The following LRRC40 variants were observed in gnomAD, a reference collection of about 807,000 sequenced individuals.
LRRC40 encodes leucine-rich repeat-containing protein 40.
LRRC40 carries 76 observed loss-of-function variants against 72.8 expected under a neutral mutation model. The ratio of observed to expected loss-of-function variants is 1.04; its 90% CI spans 0.87 to 1.26. LRRC40 has a LOEUF of 1.26. LRRC40 is among the 50% of genes most tolerant of loss of function. The pLI is 0.00. For synonymous variants in LRRC40, 243 were observed against 254.2 expected (o/e 0.96, Z 0.42); for missense variants, 684 against 698.9 (o/e 0.98, Z 0.24).
At chr1:70,155,638 A>G in intron 11 of LRRC40, 51 bp downstream of exon 11, 1 of 845,102 alleles carries the variant, frequency 1.2e-6, no homozygotes, top group Non-Finnish European at 1.7e-6. Context: ...ACCAAGATGG[A>G]AAAACAACAG....
chr1:70,195,414 G>A (rs191210371), intron 1 of LRRC40, among the ~76,000 whole-genome samples: 1 of 148,108 alleles, frequency 6.8e-6, no homozygotes, highest in African/African-American at 2.5e-5. Context: ...CTTAACAGAA[G>A]ATATATAAAT....
chr1:70,191,345 C>G (rs1668495988), intron 1 of LRRC40, among the ~76,000 whole-genome samples: 1 of 151,994 alleles, frequency 6.6e-6, no homozygotes, highest in Non-Finnish European at 1.5e-5. Flanking sequence ...ACCTAAAAAG[C>G]AGTGTAATAA....
intron 1 of LRRC40, among the ~76,000 whole-genome samples, chr1:70,195,761 C>A (rs1377398093): frequency 6.6e-6 from 1 of 152,128 alleles, no homozygotes; most frequent in Non-Finnish European, 1.5e-5. Flanking sequence ...GCCTCCCGAG[C>A]AGCAGCTGGA....
At chr1:70,183,835 C>T (rs1451340472) in intron 4 of LRRC40, among the ~76,000 whole-genome samples, 1 of 152,104 alleles carries the variant, frequency 6.6e-6, no homozygotes, top group Non-Finnish European at 1.5e-5. Context: ...ATTACAGGCA[C>T]GAACTACCAC....
intron 1 of LRRC40, among the ~76,000 whole-genome samples, chr1:70,199,149 T>TCTCAATCAA (rs1167227907): frequency 6.6e-6 from 1 of 151,588 alleles, no homozygotes; most frequent in Admixed American, 6.6e-5. Context: ...TGAGATCCTG[T>TCTCAATCAA]CTCAATCAAT....
intron 11 of LRRC40, among the ~76,000 whole-genome samples, chr1:70,153,081 C>T (rs1407828233): frequency 6.6e-6 from 1 of 152,120 alleles, no homozygotes. Context: ...TGAAAGTTGG[C>T]TGGGCACGGT....
Position 70,175,974 on chromosome 1 carries a change from G to T in LRRC40, c.813C>A (p.His271Gln). The change falls in exon 7 of 15, where the codon CAC becomes CAA. Residue 271 changes from histidine to glutamine, a missense_variant. By Grantham distance (24) the His-to-Gln change is conservative. Coordinates refer to ENST00000370952, the MANE Select transcript of LRRC40 (RefSeq NM_017768.5). ...FPSCSLLKEL[H>Q]VGENQIEMLE... The stretch of plus-strand genomic sequence containing the variant: ...ACATTTCAATCTGGTTTTCACCTAC[G>T]TGCAATTCCTACAAAATCAAAGATG... 1 of 1,550,782 alleles carries T rather than the reference G, an allele frequency of 6.4e-7. No individual in the cohort carries two copies. Among genetic ancestry groups the T allele is most frequent in the East Asian group, 2.4e-5 (1 of 41,242 alleles).
chr1:70,190,694 A>AAAAAAAAAAC (rs1668479309), intron 1 of LRRC40, among the ~76,000 whole-genome samples: 1 of 148,692 alleles, frequency 6.7e-6, no homozygotes, highest in Admixed American at 6.7e-5. Flanking sequence ...AAAAAAAAAA[A>AAAAAAAAAAC]AACTTAAAAA....
chr1:70,184,447 G>C (rs977165068), intron 4 of LRRC40, among the ~76,000 whole-genome samples: 10 of 152,112 alleles, frequency 6.6e-5, no homozygotes, highest in Non-Finnish European at 1.2e-4. Flanking sequence ...ATATAAGGAA[G>C]GAAATGGAAA....
rs1358140915 is a variant in LRRC40, at chr1:70,167,243, AAAAAG to A, written c.1111+6217_1111+6221del. ...GTTAAAAAGTGTTAAAAAAAAAAAAAAAAAGAAAAAAGAAAAAGGTCAAGGAGAAT... is the reference window on the plus strand; with the variant it reads ...GTTAAAAAGTGTTAAAAAAAAAAAAAAAAAAAGAAAAAGGTCAAGGAGAAT... On this transcript the variant is annotated intron_variant, in intron 9 of 14. Transcript: ENST00000370952. Among the ~76,000 whole-genome samples the A allele has an allele frequency of 4.6e-5, 7 of 151,690 alleles. No individual in the cohort carries two copies. In the South Asian group the frequency reaches 6.2e-4, roughly 14 times the overall value.
intron 9 of LRRC40, among the ~76,000 whole-genome samples, chr1:70,169,546 C>G (rs917645179): frequency 2.6e-5 from 4 of 151,954 alleles, no homozygotes; most frequent in African/African-American, 9.7e-5. Context: ...GACTAATATC[C>G]AGCTAGTGTG....
chr1:70,187,518 C>T (rs560645943), intron 2 of LRRC40, among the ~76,000 whole-genome samples, 180 bp from the exon 3 acceptor site: 15 of 152,114 alleles, frequency 9.9e-5, no homozygotes, highest in Admixed American at 5.2e-4. Context: ...GATGACCAAA[C>T]GGCTGTTCAG....
At chr1:70,175,747 T>C in intron 7 of LRRC40, 63 bp downstream of exon 7, 5 of 1,220,474 alleles carry the variant, frequency 4.1e-6, no homozygotes, top group Non-Finnish European at 5.6e-6. Context: ...TAACAAATAT[T>C]TCAAATTATG....
chr1:70,181,225 G>C lies in LRRC40; in HGVS notation c.538-16C>G. ...TTGAAAGATCCTTTAAAAAGAGAAA[G>C]ACAAAATAAATGAATAAACAAGTAA... On this transcript the variant is annotated splice_polypyrimidine_tract_variant and intron_variant, in intron 4 of 14. Coordinates refer to ENST00000370952, the MANE Select transcript of LRRC40 (RefSeq NM_017768.5). 1 of 1,460,384 alleles carries C rather than the reference G, an allele frequency of 6.8e-7. No individual in the cohort carries two copies. The highest frequency in any genetic ancestry group is 9.2e-7 in the Non-Finnish European group (1 of 1,090,816). 90.5% of individuals were successfully genotyped at this position (1,460,384 alleles called of 1,614,324 possible). A position where few individuals can be genotyped will look rare whatever the true frequency, so the allele number is the denominator to read the frequency against.
chr1:70,180,948 G>T (rs1571474502), intron 5 of LRRC40, 138 bp downstream of exon 5: 2 of 550,946 alleles, frequency 3.6e-6, no homozygotes, highest in Non-Finnish European at 3.0e-6. Context: ...GAGAAAATCT[G>T]ACTAGTTGCT....
chr1:70,163,919 T>G (rs1667820902), intron 9 of LRRC40, among the ~76,000 whole-genome samples: 1 of 152,206 alleles, frequency 6.6e-6, no homozygotes, highest in South Asian at 2.1e-4. Context: ...TACCACAAAC[T>G]GGGTAACTTA....
intron 9 of LRRC40, among the ~76,000 whole-genome samples, chr1:70,169,167 T>C (rs1376023286): frequency 6.6e-6 from 1 of 152,120 alleles, no homozygotes; most frequent in Non-Finnish European, 1.5e-5. Flanking sequence ...CCCAAATACC[T>C]CGCTCTGTAC....
Position 70,161,012 on chromosome 1 carries a change from G to A in LRRC40, c.1112-1574C>T, listed in dbSNP as rs574604154. 2.8e-3 allele frequency among the ~76,000 whole-genome samples: 425 copies of A among 151,750 alleles called. 4 individuals carry two copies. Among genetic ancestry groups the A allele is most frequent in the Non-Finnish European group, 4.3e-3 (289 of 67,926 alleles). Reference sequence around the variant, plus strand: ...CCAGAGAGAGAGAAAAAAAAAAGTTGTAATTGTACAAGTGACTGACAAGAA... The same window carrying A: ...CCAGAGAGAGAGAAAAAAAAAAGTTATAATTGTACAAGTGACTGACAAGAA... On this transcript the variant is annotated intron_variant, in intron 9 of 14. Transcript: ENST00000370952.
At chr1:70,156,808 T>G (rs1235001690) in intron 10 of LRRC40, among the ~76,000 whole-genome samples, 1 of 152,074 alleles carries the variant, frequency 6.6e-6, no homozygotes, top group African/African-American at 2.4e-5. Flanking sequence ...AGCATAAAAT[T>G]CCATGATGCT....
Sources: gnomAD v4.1 joint callset for allele counts (sites outside exome capture counted in the v4.1 genomes callset) on GRCh38, gnomAD v4.1.1 for gene constraint, MANE v1.5 for transcripts, NCBI Gene and HGNC (gene_info 2026-07-23, HGNC 2026-07-21) for gene names.